CPNE4: variants seen among roughly 807,000 people sequenced by gnomAD.
CPNE4 encodes the protein copine 4.
Under a neutral mutation model 67.9 loss-of-function variants are expected in CPNE4, and 25 were observed. The observed-to-expected ratio is 0.37, with a 90% CI of 0.27 to 0.51. The LOEUF (loss-of-function observed/expected upper bound fraction) is 0.51. CPNE4 is among the 20% of genes least tolerant of loss of function. The pLI is 0.93. For missense variants in CPNE4, 464 were observed against 690.8 expected, an observed-to-expected ratio of 0.67 and a Z score of 3.68; for synonymous variants, 242 against 244.9, an observed-to-expected ratio of 0.99 and a Z score of 0.11.
At position 131,550,050 on chromosome 3, in the gene CPNE4, C is replaced by T. The variant is rs753904085; in HGVS notation, c.1199G>A (p.Ser400Asn). The change falls in exon 14 of 16, where the codon AGC (serine) becomes AAC (asparagine). Residue 400 changes from serine to asparagine, a missense_variant. By Grantham distance (46) the Ser-to-Asn change is conservative (BLOSUM62 1). Coordinates refer to ENST00000429747, the MANE Select transcript of CPNE4 (RefSeq NM_130808.3). Reference sequence around the variant, plus strand: ...GTAGAGTTGGAGCTTAGGAAGACAGCTCTGATAGGCTTCCACAACTCCTTG... The same window carrying T: ...GTAGAGTTGGAGCTTAGGAAGACAGTTCTGATAGGCTTCCACAACTCCTTG... Reference protein sequence around the residue: ...GIQGVVEAYQSCLPKLQLYGP... With the variant: ...GIQGVVEAYQNCLPKLQLYGP... 11 of 1,612,996 alleles carry T rather than the reference C, an allele frequency of 6.8e-6. No homozygotes were observed. The highest frequency in any genetic ancestry group is 8.5e-6 in the Non-Finnish European group (10 of 1,179,374).
intron 1 of CPNE4, among the ~76,000 whole-genome samples, chr3:131,960,951 T>C (rs1051163101): frequency 6.6e-6 from 1 of 152,182 alleles, no homozygotes; most frequent in African/African-American, 2.4e-5. Context: ...CTCAGTGTAA[T>C]TGGTCTGTTA....
chr3:131,554,792 G>A (rs889265823), intron 12 of CPNE4, among the ~76,000 whole-genome samples: 1 of 152,028 alleles, frequency 6.6e-6, no homozygotes, highest in Admixed American at 6.6e-5. Context: ...GTAAGGTGGA[G>A]GCTGGGAGAG....
intron 2 of CPNE4, among the ~76,000 whole-genome samples, chr3:131,792,091 AAT>A (rs1400458362): frequency 6.6e-6 from 1 of 152,108 alleles, no homozygotes; most frequent in African/African-American, 2.4e-5. Context: ...ATGAGGCAGG[AAT>A]GGTTGCAATG....
chr3:132,002,728 CCATGAGT>C (rs1476176934), intron 1 of CPNE4, among the ~76,000 whole-genome samples: 1 of 152,024 alleles, frequency 6.6e-6, no homozygotes, highest in African/African-American at 2.4e-5. Context: ...AACAAAAAAC[CCATGAGT>C]CAATTCTTTT....
At chr3:131,835,814 C>T (rs1230233877) in intron 2 of CPNE4, among the ~76,000 whole-genome samples, 2 of 152,128 alleles carry the variant, frequency 1.3e-5, no homozygotes, top group Non-Finnish European at 2.9e-5. Context: ...GACTCTCCTC[C>T]TCCCCAAGCA....
At chr3:131,927,027 C>T (rs1430815495) in intron 1 of CPNE4, among the ~76,000 whole-genome samples, 1 of 152,228 alleles carries the variant, frequency 6.6e-6, no homozygotes, top group South Asian at 2.1e-4. Flanking sequence ...CCTTGCATGC[C>T]TTGCAACTAA....
intron 1 of CPNE4, among the ~76,000 whole-genome samples, chr3:131,973,240 C>T (rs1340894615): frequency 6.6e-6 from 1 of 152,078 alleles, no homozygotes; most frequent in Non-Finnish European, 1.5e-5. Context: ...CAGCTGTGTT[C>T]AAAAAGATTT....
rs188947162 is a variant in CPNE4, at chr3:131,965,300, G to A, written c.-1-59856C>T. Among the ~76,000 whole-genome samples the A allele has an allele frequency of 4.0e-3, 602 of 152,320 alleles. 3 individuals are homozygous for A. The highest frequency in any genetic ancestry group is 0.014 in the African/African-American group (581 of 41,570). On this transcript the variant is annotated intron_variant, in intron 1 of 15. Transcript: ENST00000429747. The stretch of plus-strand genomic sequence containing the variant: ...AAAATATAAAGACCAACAACACTAT[G>A]AAGAAACTGCATCAACTAATGTGCA...
intron 1 of CPNE4, among the ~76,000 whole-genome samples, chr3:132,013,623 A>G (rs1407579353): frequency 6.6e-6 from 1 of 152,234 alleles, no homozygotes; most frequent in Admixed American, 6.5e-5. Flanking sequence ...TCTTCATATT[A>G]TTACATCCTT....
At chr3:131,601,471 T>G (rs1423355059) in intron 7 of CPNE4, among the ~76,000 whole-genome samples, 6 of 152,100 alleles carry the variant, frequency 3.9e-5, no homozygotes, top group Admixed American at 3.9e-4. Flanking sequence ...TCTGGGAGTG[T>G]TCACTGCAGA....
At chr3:131,759,704 G>A (rs2082842238) in intron 2 of CPNE4, among the ~76,000 whole-genome samples, 1 of 152,174 alleles carries the variant, frequency 6.6e-6, no homozygotes, top group African/African-American at 2.4e-5. Flanking sequence ...TGATTGTTAA[G>A]ATAATTAATA....
intron 7 of CPNE4, among the ~76,000 whole-genome samples, chr3:131,589,036 T>C (rs1275676907): frequency 6.6e-6 from 1 of 152,196 alleles, no homozygotes; most frequent in Non-Finnish European, 1.5e-5. Flanking sequence ...AATTCACCGT[T>C]TATGATCCAT....
chr3:131,976,900 C>G (rs2072672347), intron 1 of CPNE4, among the ~76,000 whole-genome samples: 1 of 151,720 alleles, frequency 6.6e-6, no homozygotes, highest in African/African-American at 2.4e-5. Context: ...CTCCAGGGTT[C>G]AAGCGATTCT....
chr3:131,856,244 G>T (rs1026524894), intron 2 of CPNE4, among the ~76,000 whole-genome samples: 2 of 151,664 alleles, frequency 1.3e-5, no homozygotes, highest in Admixed American at 6.6e-5. Context: ...TATGTTTATG[G>T]TTTATGTTTA....
chr3:131,813,986 C>A lies in CPNE4; in HGVS notation c.181-90361G>T, dbSNP rs189447310. Among the ~76,000 whole-genome samples the A allele has an allele frequency of 2.6e-4, 39 of 152,224 alleles. No homozygotes were observed. In the East Asian group the frequency reaches 7.5e-3, roughly 29 times the overall value. On this transcript the variant is annotated intron_variant, in intron 2 of 15. Coordinates refer to ENST00000429747, the MANE Select transcript of CPNE4 (RefSeq NM_130808.3). ...GACTGATTTCTATCTGACTGACACA[C>A]GGCAAGGGTCTAGGTAAAGGCATCA...
intron 7 of CPNE4, among the ~76,000 whole-genome samples, chr3:131,628,107 A>G (rs2079123516): frequency 6.6e-6 from 1 of 152,180 alleles, no homozygotes; most frequent in African/African-American, 2.4e-5. Flanking sequence ...AACGGGGCAA[A>G]CGTAATCGTT....
chr3:131,629,177 C>T (rs1052309700), intron 7 of CPNE4, among the ~76,000 whole-genome samples: 1 of 152,074 alleles, frequency 6.6e-6, no homozygotes, highest in Non-Finnish European at 1.5e-5. Context: ...GAGAATAGCA[C>T]GGGAAAGACT....
chr3:131,764,280 A>G (rs2082956500), intron 2 of CPNE4, among the ~76,000 whole-genome samples: 3 of 151,758 alleles, frequency 2.0e-5, no homozygotes. Context: ...TTTATAGGAA[A>G]AAAAAAAGAG....
intron 7 of CPNE4, among the ~76,000 whole-genome samples, chr3:131,655,788 C>A (rs2079943121): frequency 6.6e-6 from 1 of 152,130 alleles, no homozygotes; most frequent in Non-Finnish European, 1.5e-5. Context: ...CCACATCCCT[C>A]TTCTACTTTA....
Sources: gnomAD v4.1 joint callset for allele counts (sites outside exome capture counted in the v4.1 genomes callset) on GRCh38, gnomAD v4.1.1 for gene constraint, MANE v1.5 for transcripts, NCBI Gene and HGNC (gene_info 2026-07-23, HGNC 2026-07-21) for gene names.